Variants in TTC39C observed in about 807,000 individuals in gnomAD.
TTC39C encodes the protein tetratricopeptide repeat domain 39C, also known as tetratricopeptide repeat protein 39C.
TTC39C carries 33 observed loss-of-function variants against 76.3 expected under a neutral mutation model. The ratio of observed to expected loss-of-function variants is 0.43; its 90% CI spans 0.33 to 0.58. TTC39C has a LOEUF of 0.58. Among genes scored for constraint, TTC39C ranks in the 20% least tolerant of loss-of-function variants. The pLI, the probability that TTC39C is intolerant of heterozygous loss-of-function variation, is 0.04. For synonymous variants in TTC39C, 254 were observed against 260.6 expected, an observed-to-expected ratio of 0.97 and a Z score of 0.24; for missense variants, 595 against 701.4, an observed-to-expected ratio of 0.85 and a Z score of 1.71.
At position 24,131,875 on chromosome 18, in the gene TTC39C, C is replaced by T; in HGVS notation, c.1624-7C>T. On this transcript the variant is annotated splice_region_variant and splice_polypyrimidine_tract_variant and intron_variant, in intron 12 of 13. Transcript: ENST00000317571. ...AGATTTTATGGGATAATGTGTTTTT[C>T]TTATAGACTGTAGGAAGAGGCAGAG... The T allele has an allele frequency of 6.2e-7, 1 of 1,610,432 alleles. No homozygotes were observed. Among genetic ancestry groups the T allele is most frequent in the Non-Finnish European group, 8.5e-7 (1 of 1,178,968 alleles).
chr18:24,106,532 A>G (rs2145797072), intron 6 of TTC39C, among the ~76,000 whole-genome samples: 1 of 152,190 alleles, frequency 6.6e-6, no homozygotes, highest in East Asian at 1.9e-4. Flanking sequence ...CCTCTTCCTC[A>G]CTGACGTGGT....
At chr18:24,103,573 C>A (rs1005150509) in intron 6 of TTC39C, among the ~76,000 whole-genome samples, 2 of 152,326 alleles carry the variant, frequency 1.3e-5, no homozygotes, top group African/African-American at 2.4e-5. Context: ...TCAAGGTCAG[C>A]GTCAGCTTTT....
In TTC39C at chr18:24,069,207, G is replaced by T. The variant is rs1386548; in HGVS notation, c.396G>T (p.Gln132His). The T allele has an allele frequency of 1.2e-6, 2 of 1,614,170 alleles. No homozygotes were observed. The highest frequency in any genetic ancestry group is 8.5e-7 in the Non-Finnish European group (1 of 1,179,970). ...APSMVDRLQR[Q>H]IIIADCQVYL... Reference sequence around the variant, plus strand: ...CTATGGTTGATCGGCTTCAGAGGCAGATAATCATAGCTGACTGCCAGGTTT... The same window carrying T: ...CTATGGTTGATCGGCTTCAGAGGCATATAATCATAGCTGACTGCCAGGTTT... The change falls in exon 4 of 14, where the codon CAG becomes CAT. Residue 132 changes from glutamine to histidine, a missense_variant. By Grantham distance (24) the Gln-to-His change is conservative (BLOSUM62 0). Coordinates refer to ENST00000317571, the MANE Select transcript of TTC39C (RefSeq NM_001135993.2).
intron 8 of TTC39C, among the ~76,000 whole-genome samples, chr18:24,119,239 A>C (rs974030335): frequency 3.9e-5 from 6 of 152,178 alleles, no homozygotes; most frequent in East Asian, 3.8e-4. Context: ...AGAGTTGTAG[A>C]GGTGTGGAAT....
chr18:24,048,233 G>A (rs1203639571), intron 1 of TTC39C, among the ~76,000 whole-genome samples: 2 of 152,168 alleles, frequency 1.3e-5, no homozygotes, highest in Non-Finnish European at 1.5e-5. Flanking sequence ...ATAAACCAGC[G>A]AATTTGGAAA....
chr18:24,078,046 C>A (rs1264950369), intron 4 of TTC39C, among the ~76,000 whole-genome samples: 1 of 152,158 alleles, frequency 6.6e-6, no homozygotes, highest in Non-Finnish European at 1.5e-5. Context: ...GGTGTTTGTA[C>A]AGTAAATATT....
intron 1 of TTC39C, among the ~76,000 whole-genome samples, chr18:24,033,976 G>A (rs1198423489): frequency 6.6e-6 from 1 of 152,226 alleles, no homozygotes; most frequent in African/African-American, 2.4e-5. Flanking sequence ...AACTGAAATT[G>A]GAATGATATC....
chr18:24,100,095 T>G lies in TTC39C; in HGVS notation c.985-14459T>G, dbSNP rs375747028. On this transcript the variant is annotated intron_variant, in intron 6 of 13. Coordinates refer to ENST00000317571, the MANE Select transcript of TTC39C (RefSeq NM_001135993.2). ...CTTGTTTTACAGTTTTTCTTAATAG[T>G]TTATCATAACACATTTGTTGTATTA... 2.6e-5 allele frequency among the ~76,000 whole-genome samples: 4 copies of G among 152,222 alleles called. No homozygotes were observed. The East Asian group carries it at 5.8e-4, about 22-fold the overall frequency.
chr18:24,108,249 A>G (rs377011521), intron 6 of TTC39C, among the ~76,000 whole-genome samples: 1 of 152,206 alleles, frequency 6.6e-6, no homozygotes, highest in African/African-American at 2.4e-5. Context: ...ACCTTTGTGC[A>G]TGTGAGCTTT....
chr18:24,020,822 TTGAG>T (rs1399005904), intron 1 of TTC39C, among the ~76,000 whole-genome samples: 1 of 152,160 alleles, frequency 6.6e-6, no homozygotes, highest in East Asian at 1.9e-4. Context: ...TATTAACCGA[TTGAG>T]TGAGATTACC....
intron 1 of TTC39C, among the ~76,000 whole-genome samples, chr18:24,043,272 G>A (rs901446314): frequency 6.6e-6 from 1 of 152,104 alleles, no homozygotes; most frequent in African/African-American, 2.4e-5. Flanking sequence ...TGAGGTGGGA[G>A]GATTGCTTAA....
At chr18:24,063,252 G>C (rs1361130272) in intron 1 of TTC39C, among the ~76,000 whole-genome samples, 1 of 152,120 alleles carries the variant, frequency 6.6e-6, no homozygotes, top group Non-Finnish European at 1.5e-5. Flanking sequence ...AACAAAATCA[G>C]ATGATTACAA....
chr18:24,058,256 C>G (rs961395544), intron 1 of TTC39C, among the ~76,000 whole-genome samples: 1 of 152,292 alleles, frequency 6.6e-6, no homozygotes, highest in East Asian at 1.9e-4. Flanking sequence ...CACCAAACAT[C>G]TGTGACACAC....
intron 1 of TTC39C, among the ~76,000 whole-genome samples, chr18:24,059,411 T>A (rs1203905944): frequency 6.6e-6 from 1 of 152,146 alleles, no homozygotes; most frequent in African/African-American, 2.4e-5. Flanking sequence ...TTCCCCTCTA[T>A]GTGTCCATAT....
chr18:24,065,882 T>A (rs1219072933), intron 2 of TTC39C, 130 bp from the exon 3 acceptor site: 1 of 948,478 alleles, frequency 1.1e-6, no homozygotes, highest in African/African-American at 1.7e-5. Flanking sequence ...GATTATGCTG[T>A]AACATTGTGA....
chr18:23,996,424 G>C (rs1242482845), intron 1 of TTC39C, among the ~76,000 whole-genome samples: 1 of 152,206 alleles, frequency 6.6e-6, no homozygotes, highest in East Asian at 1.9e-4. Context: ...TAAGGTCAGT[G>C]TGGGCACTGG....
intron 1 of TTC39C, among the ~76,000 whole-genome samples, chr18:24,059,942 G>C (rs956994365): frequency 2.6e-5 from 4 of 152,152 alleles, no homozygotes; most frequent in Non-Finnish European, 5.9e-5. Context: ...TGAGAGCCAG[G>C]TGAAAGGGGA....
At chr18:24,121,453 C>T (rs975789440) in intron 8 of TTC39C, among the ~76,000 whole-genome samples, 13 of 152,078 alleles carry the variant, frequency 8.5e-5, no homozygotes, top group African/African-American at 1.4e-4. Flanking sequence ...GTGGTGCATG[C>T]CTGTAATCCC....
In TTC39C at chr18:24,020,056, C is replaced by T. The variant is rs2083500834; in HGVS notation, c.167+5018C>T. On this transcript the variant is annotated intron_variant, in intron 1 of 13. Coordinates refer to ENST00000317571, the MANE Select transcript of TTC39C (RefSeq NM_001135993.2). ...CATCTGCTCACAGACAAGAATGTGT[C>T]TCTGCCTTGCTCCTGGAGACGATAG... 11 of 1,376,068 alleles carry T rather than the reference C, an allele frequency of 8.0e-6. No homozygotes were observed. In the Admixed American group the frequency reaches 1.1e-4, roughly 14 times the overall value. 85.2% of individuals were successfully genotyped at this position (1,376,068 alleles called of 1,614,324 possible).
Sources: gnomAD v4.1 joint callset for allele counts (sites outside exome capture counted in the v4.1 genomes callset) on GRCh38, gnomAD v4.1.1 for gene constraint, MANE v1.5 for transcripts, NCBI Gene and HGNC (gene_info 2026-07-23, HGNC 2026-07-21) for gene names.